PIK3CG: variants seen among roughly 807,000 people sequenced by gnomAD.
PIK3CG encodes phosphatidylinositol 4,5-bisphosphate 3-kinase catalytic subunit gamma isoform.
Under a neutral mutation model 102.3 loss-of-function variants are expected in PIK3CG, and 55 were observed. The observed-to-expected ratio is 0.54, with a 90% confidence interval of 0.43 to 0.67. PIK3CG has a LOEUF of 0.67. Ranked by LOEUF, PIK3CG falls within the 30% of genes least tolerant of loss-of-function variation. PIK3CG has a pLI of 0.00. For missense variants in PIK3CG, 1,258 were observed against 1,391.8 expected (o/e 0.90, Z 1.53); for synonymous variants, 552 against 540.0 (o/e 1.02, Z -0.31).
In PIK3CG at chr7:106,867,538, C is replaced by T. The variant is rs760861851; in HGVS notation, c.-12-12C>T. ...TTTCTTGTGACAAATCCCTGTGTCC[C>T]TCCGCTCCCAGGTCGCATAGGGCAT... On this transcript the variant is annotated splice_polypyrimidine_tract_variant and intron_variant, in intron 1 of 10. Transcript: ENST00000496166. The surrounding 1 kb of genome is among the most constrained non-coding windows in gnomAD (Gnocchi z 5.1). The T allele has an allele frequency of 3.3e-6, 5 of 1,526,098 alleles. No homozygotes were observed. The East Asian group carries it at 9.1e-5, about 28-fold the overall frequency. 94.5% of individuals were successfully genotyped at this position (1,526,098 alleles called of 1,614,324 possible).
At chr7:106,882,934 A>AAAAC (rs2116542076) in intron 7 of PIK3CG, 99 bp from the exon 8 acceptor site, 1 of 990,236 alleles carries the variant, frequency 1.0e-6, no homozygotes, top group Non-Finnish European at 1.4e-6. Flanking sequence ...AAAAAAAAAA[A>AAAAC]AAACCCTCTG....
chr7:106,884,078 T>A lies in PIK3CG; in HGVS notation c.2761-77T>A. The A allele has an allele frequency of 8.9e-7, 1 of 1,117,758 alleles. No homozygotes were observed. The highest frequency in any genetic ancestry group is 1.3e-6 in the Non-Finnish European group (1 of 746,814). The allele number at this position is 1,117,758 out of a possible 1,614,324, so 69.2% of individuals were successfully genotyped here. A position where few individuals can be genotyped will look rare whatever the true frequency, so the allele number is the denominator to read the frequency against. On this transcript the variant is annotated intron_variant, in intron 8 of 10. Transcript: ENST00000496166. This position sits in a 1 kb window ranked among gnomAD's most constrained non-coding sequence, Gnocchi z 4.2. ...TGAAAATGGTTTCCAGAATATTCTC[T>A]TTTTAGAAGTCATTTGTAGATTCAT...
chr7:106,906,273 C>CA lies in PIK3CG; in HGVS notation c.*891dup, dbSNP rs1562805035. ...TCAAGAACACCTTTACTCTATAACT[C>CA]AAAAATTAGTTGAAAAATAATTACT... On this transcript the variant is annotated 3_prime_UTR_variant, in exon 11 of 11. Transcript: ENST00000496166. 8.9e-6 allele frequency: 2 copies of CA among 225,706 alleles called. No homozygotes were observed. The highest frequency in any genetic ancestry group is 4.5e-5 in the African/African-American group (2 of 44,662). 14.0% of individuals were successfully genotyped at this position (225,706 alleles called of 1,614,324 possible). A position where few individuals can be genotyped will look rare whatever the true frequency, so the allele number is the denominator to read the frequency against.
Position 106,868,947 on chromosome 7 carries a change from T to C in PIK3CG, c.1386T>C (p.Tyr462=), listed in dbSNP as rs2116453958. Residue 462 remains tyrosine, a synonymous_variant, in exon 2 of 11, where the codon TAT becomes TAC. Transcript: ENST00000496166. The surrounding 1 kb of genome is among the most constrained non-coding windows in gnomAD (Gnocchi z 6.2). ...SESKGKVQLL[Y]YVNLLLIDHR... is the part of the protein sequence containing the mutation. ...CCAAGGGCAAAGTTCAGCTTCTCTATTATGTGAACCTGCTGCTGATAGACC... is the reference window on the plus strand; with the variant it reads ...CCAAGGGCAAAGTTCAGCTTCTCTACTATGTGAACCTGCTGCTGATAGACC... 6.2e-7 allele frequency: 1 copy of C among 1,614,172 alleles called. No individual in the cohort carries two copies. The highest frequency in any genetic ancestry group is 8.5e-7 in the Non-Finnish European group (1 of 1,180,034).
intron 6 of PIK3CG, among the ~76,000 whole-genome samples, chr7:106,881,829 G>A (rs1004568139): frequency 2.6e-5 from 4 of 152,114 alleles, no homozygotes; most frequent in East Asian, 1.9e-4. Flanking sequence ...CAGGCTGGGC[G>A]ACAGAGCAAG....
rs752039271 is a variant in PIK3CG, at chr7:106,867,731, C to T, written c.170C>T (p.Ala57Val). The T allele has an allele frequency of 1.1e-5, 17 of 1,612,900 alleles. No homozygotes were observed. Among genetic ancestry groups the T allele is most frequent in the East Asian group, 4.5e-5 (2 of 44,884 alleles). Reference sequence around the variant, plus strand: ...CGCAAATGCAAGAGCCCCGAAACGGCGCTGCTGCACGTGGCCGGCCACGGC... The same window carrying T: ...CGCAAATGCAAGAGCCCCGAAACGGTGCTGCTGCACGTGGCCGGCCACGGC... ...SQRKCKSPET[A>V]LLHVAGHGNV... Residue 57 changes from alanine to valine, a missense_variant, in exon 2 of 11, where the codon GCG (alanine) becomes GTG (valine). By Grantham distance (64) the Ala-to-Val change is moderately conservative. This residue lies in a region of PIK3CG where 832 missense variants were observed against 787.5 expected (regional missense o/e 1.06). Transcript: ENST00000496166. The surrounding 1 kb of genome is among the most constrained non-coding windows in gnomAD (Gnocchi z 5.1).
At chr7:106,876,876 T>C (rs911801041) in intron 5 of PIK3CG, among the ~76,000 whole-genome samples, 2 of 152,174 alleles carry the variant, frequency 1.3e-5, no homozygotes, top group African/African-American at 2.4e-5. Context: ...TTTTCTTAAA[T>C]GGTTTGTGCT....
intron 10 of PIK3CG, among the ~76,000 whole-genome samples, chr7:106,896,845 A>G (rs1055380888): frequency 1.3e-5 from 2 of 152,236 alleles, no homozygotes; most frequent in African/African-American, 4.8e-5. Flanking sequence ...TGTATTGCTT[A>G]GGATGATGTG....
Position 106,908,501 on chromosome 7 carries a change from C to A in PIK3CG, c.*3114C>A, listed in dbSNP as rs1047955424. Among the ~76,000 whole-genome samples, 1 of 152,138 alleles carries A rather than the reference C, an allele frequency of 6.6e-6. No homozygotes were observed. Among genetic ancestry groups the A allele is most frequent in the Admixed American group, 6.5e-5 (1 of 15,270 alleles). On this transcript the variant is annotated 3_prime_UTR_variant, in exon 11 of 11. Transcript: ENST00000496166. The surrounding 1 kb of genome is among the most constrained non-coding windows in gnomAD (Gnocchi z 4.1). The stretch of plus-strand genomic sequence containing the variant: ...CCATGTCCACTAAAATAAACCTAAG[C>A]AGATGTTGTAGACCTAGCCCCACAG...
chr7:106,905,090 TTTC>T lies in PIK3CG; in HGVS notation c.3031-10_3031-8del, dbSNP rs757171761. ...GTTACCATAACAACAGTAACAGCAT[TTTC>T]TTCTTCTTTATCCAGGACATCTGTG... On this transcript the variant is annotated splice_polypyrimidine_tract_variant and intron_variant, in intron 10 of 10. Coordinates refer to ENST00000496166, the MANE Select transcript of PIK3CG (RefSeq NM_001282426.2). This position sits in a 1 kb window ranked among gnomAD's most constrained non-coding sequence, Gnocchi z 5.6. 9.3e-6 allele frequency: 15 copies of T among 1,606,404 alleles called. No homozygotes were observed. The East Asian group carries it at 1.3e-4, about 14-fold the overall frequency.
chr7:106,865,911 T>C (rs3752637), intron 1 of PIK3CG: 1 of 152,396 alleles, frequency 6.6e-6, no homozygotes, highest in East Asian at 1.9e-4. Flanking sequence ...TCAATATCAA[T>C]GTATCTTACA....
Position 106,869,136 on chromosome 7 carries a change from C to T in PIK3CG, c.1575C>T (p.His525=), listed in dbSNP as rs144753907. 4.6e-5 allele frequency: 74 copies of T among 1,614,068 alleles called. No homozygotes were observed. The highest frequency in any genetic ancestry group is 5.8e-5 in the Non-Finnish European group (69 of 1,180,042). ...SISILLDNYC[H]PIALPKHQPT... ...CCATTCTTCTGGACAATTACTGCCA[C>T]CCGATAGCCCTGCCTAAGCATCAGC... Residue 525 remains histidine (H), a synonymous_variant, in exon 2 of 11, where the codon CAC becomes CAT. Transcript: ENST00000496166. The surrounding 1 kb of genome is among the most constrained non-coding windows in gnomAD (Gnocchi z 5.3).
At position 106,868,150 on chromosome 7, in the gene PIK3CG, G is replaced by A. The variant is rs182921583; in HGVS notation, c.589G>A (p.Ala197Thr). Residue 197 changes from alanine (A) to threonine (T), a missense_variant, in exon 2 of 11, where the codon GCC (alanine) becomes ACC (threonine). Physicochemically the swap from Ala to Thr is moderately conservative, Grantham distance 58. Around this residue, in one of 2 missense-constraint regions of PIK3CG, gnomAD observed 832 missense variants for 787.5 expected, o/e 1.06. Coordinates refer to ENST00000496166, the MANE Select transcript of PIK3CG (RefSeq NM_001282426.2). This position sits in a 1 kb window ranked among gnomAD's most constrained non-coding sequence, Gnocchi z 6.2. ...GGCCAGCCGCGACCCCAAGCTCTAC[G>A]CCATGCACCCGTGGGTGACGTCCAA... is the stretch of plus-strand genomic sequence containing the variant. ...EVASRDPKLY[A>T]MHPWVTSKPL... 2.1e-4 allele frequency: 346 copies of A among 1,611,660 alleles called. 1 individual carries two copies. In the East Asian group the frequency reaches 2.9e-3, roughly 13 times the overall value.
At chr7:106,888,898 A>G (rs1038139134) in intron 10 of PIK3CG, among the ~76,000 whole-genome samples, 1 of 152,224 alleles carries the variant, frequency 6.6e-6, no homozygotes, top group African/African-American at 2.4e-5. Context: ...CTTCATCTGT[A>G]AAGTGGGAAT....
At chr7:106,871,678 G>A (rs1231576446) in intron 2 of PIK3CG, among the ~76,000 whole-genome samples, 2 of 130,566 alleles carry the variant, frequency 1.5e-5, no homozygotes, top group Non-Finnish European at 3.4e-5. Context: ...CAATGTTAGT[G>A]TTGCTGCTTT....
intron 10 of PIK3CG, among the ~76,000 whole-genome samples, chr7:106,889,866 A>T (rs1791222762): frequency 6.6e-6 from 1 of 152,216 alleles, no homozygotes; most frequent in African/African-American, 2.4e-5. Flanking sequence ...TAGATAGAGA[A>T]ACACAAAACC....
rs1422746041 is a variant in PIK3CG, at chr7:106,893,861, G to A, written c.3030+7569G>A. On this transcript the variant is annotated intron_variant, in intron 10 of 10. Coordinates refer to ENST00000496166, the MANE Select transcript of PIK3CG (RefSeq NM_001282426.2). This position sits in a 1 kb window ranked among gnomAD's most constrained non-coding sequence, Gnocchi z 4.4. ...TAGGTGGTAGTCTTCCACACACCTA[G>A]GCTATATGATATAGCCTATTGCTCC... Among the ~76,000 whole-genome samples the A allele has an allele frequency of 6.6e-6, 1 of 152,122 alleles. No homozygotes were observed.
Position 106,905,675 on chromosome 7 carries a change from C to A in PIK3CG, c.*288C>A. 2.7e-6 allele frequency: 1 copy of A among 365,772 alleles called. No homozygotes were observed. The highest frequency in any genetic ancestry group is 4.9e-6 in the Non-Finnish European group (1 of 203,680). 22.7% of individuals were successfully genotyped at this position (365,772 alleles called of 1,614,324 possible). On this transcript the variant is annotated 3_prime_UTR_variant, in exon 11 of 11. Coordinates refer to ENST00000496166, the MANE Select transcript of PIK3CG (RefSeq NM_001282426.2). This position sits in a 1 kb window ranked among gnomAD's most constrained non-coding sequence, Gnocchi z 5.6. ...ACAGACTAATGACTTCCTTATTGTC[C>A]CTGATATTTTGACTATCTTACTATT...
rs373177738 is a variant in PIK3CG, at chr7:106,894,261, G to GAC, written c.3030+7982_3030+7983dup. 1.3e-5 allele frequency among the ~76,000 whole-genome samples: 2 copies of GAC among 151,144 alleles called. No homozygotes were observed. Among genetic ancestry groups the GAC allele is most frequent in the African/African-American group, 2.4e-5 (1 of 41,148 alleles). On this transcript the variant is annotated intron_variant, in intron 10 of 10. Coordinates refer to ENST00000496166, the MANE Select transcript of PIK3CG (RefSeq NM_001282426.2). This position sits in a 1 kb window ranked among gnomAD's most constrained non-coding sequence, Gnocchi z 4.4. Reference sequence around the variant, plus strand: ...AGGATAAATCACACACACACACACAGACACACACACACACCCCTACGTGCA... The same window carrying GAC: ...AGGATAAATCACACACACACACACAGACACACACACACACACCCCTACGTGCA...
Sources: allele counts gnomAD v4.1 joint callset (sites outside exome capture counted in the v4.1 genomes callset), GRCh38; gene constraint gnomAD v4.1.1; regional missense constraint gnomAD v4.1.1; non-coding constraint Gnocchi (gnomAD v3.1); transcripts MANE v1.5; gene names NCBI Gene and HGNC (gene_info 2026-07-23, HGNC 2026-07-21).